WASF3: variants seen among roughly 807,000 people sequenced by gnomAD.
WASF3 encodes actin-binding protein WASF3.
Under a neutral mutation model 46.6 loss-of-function variants are expected in WASF3, and 11 were observed. The observed-to-expected ratio is 0.24, with a 90% confidence interval of 0.15 to 0.39. WASF3 has a LOEUF of 0.39. WASF3 is among the 10% of genes least tolerant of loss of function. The probability of loss-of-function intolerance (pLI) is 1.00; values close to 1 mark genes in which losing one functional copy is unlikely to be tolerated. For synonymous variants in WASF3, 242 were observed against 259.7 expected (o/e 0.93, Z 0.65); for missense variants, 576 against 669.8 (o/e 0.86, Z 1.55).
At chr13:26,559,190 T>C (rs539229163) in intron 1 of WASF3, among the ~76,000 whole-genome samples, 2 of 152,346 alleles carry the variant, frequency 1.3e-5, no homozygotes, top group Non-Finnish European at 2.9e-5. Context: ...ATGACTTCAG[T>C]GTAGTACTCA....
Position 26,673,355 on chromosome 13 carries a change from GA to G in WASF3, c.540+1367del, listed in dbSNP as rs149071093. Among the ~76,000 whole-genome samples the G allele has an allele frequency of 8.9e-3, 1,358 of 152,200 alleles. 10 individuals are homozygous for G. The highest frequency in any genetic ancestry group is 0.017 in the Middle Eastern group (5 of 294). On this transcript the variant is annotated intron_variant, in intron 6 of 9. Coordinates refer to ENST00000335327, the MANE Select transcript of WASF3 (RefSeq NM_006646.6). ...ACCTTCCTCAAACACATAAAATTCT[GA>G]TAAGAATTTCTTTCATTCACTTATA...
intron 1 of WASF3, among the ~76,000 whole-genome samples, chr13:26,573,707 G>A (rs567036540): frequency 8.0e-4 from 121 of 152,052 alleles, no homozygotes; most frequent in Non-Finnish European, 9.3e-4. Context: ...TTACTGATAT[G>A]AATACAGAAA....
At chr13:26,599,109 G>A (rs1593139968) in intron 1 of WASF3, among the ~76,000 whole-genome samples, 1 of 151,312 alleles carries the variant, frequency 6.6e-6, no homozygotes, top group Non-Finnish European at 1.5e-5. Context: ...TGATTCACCC[G>A]TCTTGGTCTC....
intron 1 of WASF3, among the ~76,000 whole-genome samples, chr13:26,612,709 T>C (rs1014912224): frequency 1.3e-5 from 2 of 152,204 alleles, no homozygotes; most frequent in African/African-American, 2.4e-5. Context: ...CTTTTTCTTT[T>C]TCTGCCCTTC....
chr13:26,539,882 GGGTATAGACT>G, the WASF3 span, among the ~76,000 whole-genome samples: 1 of 152,116 alleles, frequency 6.6e-6, no homozygotes, highest in Non-Finnish European at 1.5e-5. Flanking sequence ...TGACACAGTT[GGGTATAGACT>G]GGTTACCTTC....
chr13:26,651,193 A>G (rs1048665327), intron 3 of WASF3, among the ~76,000 whole-genome samples: 5 of 152,118 alleles, frequency 3.3e-5, no homozygotes, highest in African/African-American at 1.2e-4. Flanking sequence ...ACAGTGGTGC[A>G]TGCCTGTAGT....
At chr13:26,590,741 T>G (rs1351636140) in intron 1 of WASF3, among the ~76,000 whole-genome samples, 1 of 152,226 alleles carries the variant, frequency 6.6e-6, no homozygotes, top group Non-Finnish European at 1.5e-5. Flanking sequence ...ATTGCACACC[T>G]ACTGTGTTCC....
chr13:26,648,853 C>T (rs902209920), intron 3 of WASF3, among the ~76,000 whole-genome samples: 13 of 152,046 alleles, frequency 8.6e-5, no homozygotes, highest in African/African-American at 2.4e-4. Context: ...CCCACCACCC[C>T]GACAAAAGGC....
intron 3 of WASF3, among the ~76,000 whole-genome samples, chr13:26,651,001 T>C (rs1051167056): frequency 2.0e-5 from 3 of 152,160 alleles, no homozygotes; most frequent in Non-Finnish European, 4.4e-5. Flanking sequence ...ATATTGATGA[T>C]AGATATCAAC....
At chr13:26,620,713 G>A (rs1296624146) in intron 2 of WASF3, 1 of 152,182 alleles carries the variant, frequency 6.6e-6, no homozygotes, top group African/African-American at 2.4e-5. Context: ...TGCAAGACAG[G>A]AGCTAATGGT....
At chr13:26,583,861 G>A (rs898936275) in intron 1 of WASF3, among the ~76,000 whole-genome samples, 2 of 152,174 alleles carry the variant, frequency 1.3e-5, no homozygotes, top group Non-Finnish European at 2.9e-5. Context: ...CAGAAGTGTG[G>A]TTGCCACTCA....
intron 1 of WASF3, among the ~76,000 whole-genome samples, chr13:26,588,398 A>G (rs1880190681): frequency 6.6e-6 from 1 of 152,206 alleles, no homozygotes; most frequent in Non-Finnish European, 1.5e-5. Context: ...AGAACCACAG[A>G]GTCCCAATTC....
chr13:26,610,938 A>G (rs1251900104), intron 1 of WASF3, among the ~76,000 whole-genome samples: 2 of 151,364 alleles, frequency 1.3e-5, no homozygotes, highest in African/African-American at 4.8e-5. Context: ...TTCTTGACTT[A>G]TGTTAGAAAT....
intron 6 of WASF3, among the ~76,000 whole-genome samples, chr13:26,674,451 G>A (rs141723961): frequency 8.4e-4 from 128 of 152,220 alleles, no homozygotes; most frequent in African/African-American, 2.9e-3. Context: ...CATGCTGGTT[G>A]TAAAATACTC....
At chr13:26,646,913 A>T (rs1255216613) in intron 3 of WASF3, among the ~76,000 whole-genome samples, 3 of 152,234 alleles carry the variant, frequency 2.0e-5, no homozygotes, top group Non-Finnish European at 4.4e-5. Flanking sequence ...GGTCATGAGG[A>T]TTTAAATGAC....
chr13:26,574,290 G>T (rs984798921), intron 1 of WASF3, among the ~76,000 whole-genome samples: 4 of 151,780 alleles, frequency 2.6e-5, no homozygotes, highest in Non-Finnish European at 5.9e-5. Context: ...TTTTTCCTAT[G>T]CTCTGCTTTG....
At chr13:26,586,847 T>C in intron 1 of WASF3, among the ~76,000 whole-genome samples, 1 of 152,116 alleles carries the variant, frequency 6.6e-6, no homozygotes, top group East Asian at 1.9e-4. Context: ...GTACTGACAA[T>C]TTTTTTGGTT....
chr13:26,559,802 T>TTCTC (rs1281265590), intron 1 of WASF3, among the ~76,000 whole-genome samples: 4 of 62,444 alleles, frequency 6.4e-5, no homozygotes, highest in Non-Finnish European at 9.4e-5. Flanking sequence ...CTTTCTTTCT[T>TTCTC]TCTTTCTTTT....
At chr13:26,567,952 A>G (rs1879520959) in intron 1 of WASF3, among the ~76,000 whole-genome samples, 1 of 152,100 alleles carries the variant, frequency 6.6e-6, no homozygotes, top group Non-Finnish European at 1.5e-5. Context: ...AAAGTGAAGG[A>G]GTGAACCAGC....
Sources: gnomAD v4.1 joint callset for allele counts (sites outside exome capture counted in the v4.1 genomes callset) on GRCh38, gnomAD v4.1.1 for gene constraint, MANE v1.5 for transcripts, NCBI Gene and HGNC (gene_info 2026-07-23, HGNC 2026-07-21) for gene names.